The following UBR4 variants were observed in gnomAD, a reference collection of about 807,000 sequenced individuals.
UBR4 encodes the protein ubiquitin protein ligase E3 component n-recognin 4.
UBR4 carries 124 observed loss-of-function variants against 575.6 expected under a neutral mutation model. The ratio of observed to expected loss-of-function variants is 0.22; its 90% confidence interval spans 0.19 to 0.25. The LOEUF (loss-of-function observed/expected upper bound fraction) is 0.25, where lower values mean the gene tolerates loss of function less well. Among genes scored for constraint, UBR4 ranks in the 10% least tolerant of loss-of-function variants. The pLI is 1.00. For synonymous variants in UBR4, 2,455 were observed against 2,473.7 expected (o/e 0.99, Z 0.22); for missense variants, 4,818 against 6,478.8 (o/e 0.74, Z 8.80).
intron 101 of UBR4, among the ~76,000 whole-genome samples, chr1:19,085,296 T>TG (rs2076906799): frequency 1.3e-5 from 2 of 152,146 alleles, no homozygotes; most frequent in African/African-American, 4.8e-5. Context: ...CCGAGGCAGG[T>TG]GGATCACCTG....
At chr1:19,163,979 A>G in intron 33 of UBR4, 152 bp from the exon 34 acceptor site, 1 of 859,440 alleles carries the variant, frequency 1.2e-6, no homozygotes, top group Non-Finnish European at 1.8e-6. Flanking sequence ...ATATAGTTAC[A>G]TAGCTTGGGG....
intron 14 of UBR4, 86 bp downstream of exon 14, chr1:19,186,454 G>T: frequency 8.2e-7 from 1 of 1,216,274 alleles, no homozygotes. Flanking sequence ...ACTTTTGTTT[G>T]GTCAGGAAAC....
chr1:19,074,876 C>T lies in UBR4; in HGVS notation c.15508G>A (p.Asp5170Asn), dbSNP rs766269745. The T allele has an allele frequency of 5.6e-6, 9 of 1,614,008 alleles. No individual in the cohort carries two copies. The highest frequency in any genetic ancestry group is 4.5e-5 in the East Asian group (2 of 44,878). The change falls in exon 106 of 106, where the codon GAT becomes AAT. Residue 5170 changes from aspartate (D) to asparagine (N), a missense_variant. This residue lies in a region of UBR4 where 212 missense variants were observed against 221.3 expected (regional missense o/e 0.96). Transcript: ENST00000375254. ...AGGTCCTTCAGGAAGCTCTCTGGAT[C>T]GGTGATTTCTGATAAAAGACCTGCA... Reference protein sequence around the residue: ...DVAGLLSEITDPESFLKDLLN... With the variant: ...DVAGLLSEITNPESFLKDLLN...
chr1:19,161,302 C>A (rs2087316127), intron 37 of UBR4, among the ~76,000 whole-genome samples, 155 bp from the exon 38 acceptor site: 1 of 152,208 alleles, frequency 6.6e-6, no homozygotes, highest in African/African-American at 2.4e-5. Flanking sequence ...ATAGTATTCA[C>A]CTAATATCTA....
intron 81 of UBR4, among the ~76,000 whole-genome samples, chr1:19,109,792 G>T (rs569036715): frequency 6.6e-6 from 1 of 152,376 alleles, no homozygotes; most frequent in Admixed American, 6.5e-5. Flanking sequence ...AAAGGCACAG[G>T]GGTAGGAAGG....
chr1:19,116,135 T>G (rs1055685114), intron 73 of UBR4, among the ~76,000 whole-genome samples: 1 of 152,222 alleles, frequency 6.6e-6, no homozygotes, highest in African/African-American at 2.4e-5. Context: ...AGAGCTAATA[T>G]TTACTGAGTA....
chr1:19,164,305 C>T lies in UBR4; in HGVS notation c.4648G>A (p.Gly1550Ser). The T allele has an allele frequency of 6.2e-7, 1 of 1,614,238 alleles. No homozygotes were observed. Among genetic ancestry groups the T allele is most frequent in the Non-Finnish European group, 8.5e-7 (1 of 1,180,038 alleles). Reference sequence around the variant, plus strand: ...TTATGAAGCTGAAGGTGACCAGCACCTTGACCTGCACTGGCCAGAGTGGCC... The same window carrying T: ...TTATGAAGCTGAAGGTGACCAGCACTTTGACCTGCACTGGCCAGAGTGGCC... Reference protein sequence around the residue: ...VMATLASAGQGAGHLQLHNAA... With the variant: ...VMATLASAGQSAGHLQLHNAA... The change falls in exon 33 of 106, where the codon GGT becomes AGT. Residue 1550 changes from glycine (G) to serine (S), a missense_variant. Gly to Ser is a moderately conservative substitution (Grantham distance 56). Coordinates refer to ENST00000375254, the MANE Select transcript of UBR4 (RefSeq NM_020765.3).
intron 14 of UBR4, among the ~76,000 whole-genome samples, chr1:19,185,912 C>T (rs1190007205): frequency 6.6e-6 from 1 of 152,150 alleles, no homozygotes; most frequent in East Asian, 1.9e-4. Flanking sequence ...AAAACAACTT[C>T]ACATTATTTT....
Position 19,201,803 on chromosome 1 carries a change from G to A in UBR4, c.189C>T (p.Ile63=). The A allele has an allele frequency of 5.6e-6, 9 of 1,613,872 alleles. No individual in the cohort carries two copies. The highest frequency in any genetic ancestry group is 4.5e-5 in the East Asian group (2 of 44,856). ...GCTCGTACTGCTTCTCATGGTGCAG[G>A]ATTTCTGATTCACTGTAAAAATAAT... ...VASVIESESE[I]LHHEKQYEPF... The change falls in exon 2 of 106, where the codon ATC becomes ATT. Residue 63 remains isoleucine (I), a synonymous_variant. Transcript: ENST00000375254.
chr1:19,209,742 TCATCTG>T (rs2093215873), intron 1 of UBR4, among the ~76,000 whole-genome samples: 1 of 152,070 alleles, frequency 6.6e-6, no homozygotes. Flanking sequence ...AAATGCAAAC[TCATCTG>T]TGACTTGACC....
At chr1:19,083,841 CT>C (rs1204135375) in intron 102 of UBR4, among the ~76,000 whole-genome samples, 1 of 152,162 alleles carries the variant, frequency 6.6e-6, no homozygotes, top group African/African-American at 2.4e-5. Context: ...TAAAATTACA[CT>C]TCCAGGTACC....
Position 19,197,976 on chromosome 1 carries a change from G to A in UBR4, c.722C>T (p.Ala241Val), listed in dbSNP as rs1421242878. Residue 241 changes from alanine to valine, a missense_variant, in exon 6 of 106, where the codon GCT becomes GTT. Ala to Val is a moderately conservative substitution (Grantham distance 64). Around this residue, in one of 29 missense-constraint regions of UBR4, gnomAD observed 83 missense variants for 77.3 expected, o/e 1.07. Coordinates refer to ENST00000375254, the MANE Select transcript of UBR4 (RefSeq NM_020765.3). ...SAIKTKNVFI[A>V]QNVASLQELG... is the part of the protein sequence containing the mutation. Reference sequence around the variant, plus strand: ...CTCTTGAAGACTAGCCACGTTCTGAGCTATGAACACATTCTTGGTTTTGAT... The same window carrying A: ...CTCTTGAAGACTAGCCACGTTCTGAACTATGAACACATTCTTGGTTTTGAT... 1 of 1,614,172 alleles carries A rather than the reference G, an allele frequency of 6.2e-7. No individual in the cohort carries two copies. The highest frequency in any genetic ancestry group is 8.5e-7 in the Non-Finnish European group (1 of 1,180,032).
At chr1:19,083,497 C>G (rs2076722261) in intron 102 of UBR4, among the ~76,000 whole-genome samples, 1 of 152,182 alleles carries the variant, frequency 6.6e-6, no homozygotes, top group Admixed American at 6.5e-5. Context: ...AAGCATGAAA[C>G]AGTGAATTAA....
At chr1:19,118,839 C>T (rs2080872285) in intron 71 of UBR4, 33 bp downstream of exon 71, 4 of 1,609,222 alleles carry the variant, frequency 2.5e-6, no homozygotes, top group Non-Finnish European at 3.4e-6. Context: ...GCTGACTGAG[C>T]TTCCCACAGG....
Position 19,187,152 on chromosome 1 carries a change from A to C in UBR4, c.1632+12T>G. On this transcript the variant is annotated intron_variant, in intron 13 of 105. Transcript: ENST00000375254. ...ATTCTTCTAAATTATCAATGGCTTA[A>C]CTCCCACCCACCTTTCTGTAGGAAG... 6.2e-7 allele frequency: 1 copy of C among 1,601,196 alleles called. No individual in the cohort carries two copies. Among genetic ancestry groups the C allele is most frequent in the Non-Finnish European group, 8.5e-7 (1 of 1,172,462 alleles).
chr1:19,180,212 A>G (rs2090756315), intron 17 of UBR4, among the ~76,000 whole-genome samples: 1 of 151,792 alleles, frequency 6.6e-6, no homozygotes, highest in African/African-American at 2.4e-5. Flanking sequence ...TTTTTGAGAT[A>G]GAGTCTCACT....
At position 19,165,530 on chromosome 1, in the gene UBR4, A is replaced by G. The variant is rs987663600; in HGVS notation, c.4211+126T>C. 47 of 1,130,050 alleles carry G rather than the reference A, an allele frequency of 4.2e-5. No individual in the cohort carries two copies. In the African/African-American group the frequency reaches 5.3e-4, roughly 13 times the overall value. 70.0% of individuals were successfully genotyped at this position (1,130,050 alleles called of 1,614,324 possible). A position where few individuals can be genotyped will look rare whatever the true frequency, so the allele number is the denominator to read the frequency against. ...CCAAGGAGTCAGCAATTAACTCCCCAAAGTGCAGACACCTAACCAGGCCTT... is the reference window on the plus strand; with the variant it reads ...CCAAGGAGTCAGCAATTAACTCCCCGAAGTGCAGACACCTAACCAGGCCTT... On this transcript the variant is annotated intron_variant, in intron 30 of 105. Coordinates refer to ENST00000375254, the MANE Select transcript of UBR4 (RefSeq NM_020765.3).
chr1:19,193,115 T>G (rs2092226793), intron 9 of UBR4, among the ~76,000 whole-genome samples: 1 of 152,198 alleles, frequency 6.6e-6, no homozygotes, highest in African/African-American at 2.4e-5. Flanking sequence ...TTCAGCGCAC[T>G]TAATCACTAT....
chr1:19,194,058 A>C (rs2092298076), intron 8 of UBR4, among the ~76,000 whole-genome samples: 1 of 152,218 alleles, frequency 6.6e-6, no homozygotes, highest in Non-Finnish European at 1.5e-5. Context: ...AGGAATGAAT[A>C]GGCAAAGGGG....
Sources: gnomAD v4.1 joint callset for allele counts (sites outside exome capture counted in the v4.1 genomes callset) on GRCh38, gnomAD v4.1.1 for gene constraint, gnomAD v4.1.1 regional missense constraint, MANE v1.5 for transcripts, NCBI Gene and HGNC (gene_info 2026-07-23, HGNC 2026-07-21) for gene names.